Variants in BRD7 observed in about 807,000 individuals in gnomAD.
The protein encoded by BRD7 is bromodomain-containing protein 7.
In BRD7, 15 loss-of-function variants were observed where a neutral mutation model predicts 82.1. That is an observed-to-expected ratio of 0.18 (90% CI 0.12 to 0.28). The LOEUF is 0.28. BRD7 is among the 10% of genes least tolerant of loss of function. The pLI, the probability that BRD7 is intolerant of heterozygous loss-of-function variation, is 1.00. For synonymous variants in BRD7, 232 were observed against 266.9 expected (o/e 0.87, Z 1.27); for missense variants, 638 against 779.9 (o/e 0.82, Z 2.17).
intron 5 of BRD7, among the ~76,000 whole-genome samples, chr16:50,343,770 G>C (rs920758531): frequency 1.3e-5 from 2 of 152,226 alleles, no homozygotes; most frequent in Non-Finnish European, 2.9e-5. Context: ...GCCCACCACT[G>C]CTGAGGCTTG....
At chr16:50,322,879 G>A (rs1255038441) in intron 12 of BRD7, among the ~76,000 whole-genome samples, 1 of 152,044 alleles carries the variant, frequency 6.6e-6, no homozygotes, top group Non-Finnish European at 1.5e-5. Context: ...GTCATCGTTG[G>A]GCCTGACCGA....
intron 5 of BRD7, among the ~76,000 whole-genome samples, chr16:50,343,236 A>G (rs1234171421): frequency 3.9e-5 from 6 of 152,148 alleles, no homozygotes; most frequent in Non-Finnish European, 8.8e-5. Flanking sequence ...TGGGGGAAGG[A>G]CCTGGTGGGA....
intron 2 of BRD7, among the ~76,000 whole-genome samples, chr16:50,366,860 T>C (rs537868813): frequency 1.5e-4 from 23 of 152,154 alleles, no homozygotes; most frequent in Non-Finnish European, 2.5e-4. Context: ...ATGTGAAGGA[T>C]TGGGGTGAGG....
At chr16:50,359,048 G>A (rs1385530921) in intron 2 of BRD7, among the ~76,000 whole-genome samples, 1 of 152,166 alleles carries the variant, frequency 6.6e-6, no homozygotes, top group Admixed American at 6.5e-5. Context: ...TTCAGAGTAT[G>A]TTGCAGAATC....
At chr16:50,337,159 T>C (rs1208724990) in intron 6 of BRD7, among the ~76,000 whole-genome samples, 1 of 152,072 alleles carries the variant, frequency 6.6e-6, no homozygotes, top group African/African-American at 2.4e-5. Flanking sequence ...ATGCTACAAA[T>C]AGTATTGTTT....
In BRD7 at chr16:50,349,737, T is replaced by A. The variant is rs891028280; in HGVS notation, c.591+286A>T. On this transcript the variant is annotated intron_variant, in intron 5 of 16. Coordinates refer to ENST00000394688, the MANE Select transcript of BRD7 (RefSeq NM_013263.5). ...TCGTTTTACTTGTATTGATCTAAGC[T>A]AAAAATTTCACTCTAAGGTTGGAAA... 15 of 397,060 alleles carry A rather than the reference T, an allele frequency of 3.8e-5. No individual in the cohort carries two copies. In the Admixed American group the frequency reaches 5.3e-4, roughly 14 times the overall value. The allele number at this position is 397,060 out of a possible 1,614,324, so 24.6% of individuals were successfully genotyped here. A position where few individuals can be genotyped will look rare whatever the true frequency, so the allele number is the denominator to read the frequency against.
At chr16:50,326,226 T>G in intron 10 of BRD7, 58 bp downstream of exon 10, 7 of 1,421,746 alleles carry the variant, frequency 4.9e-6, no homozygotes, top group Non-Finnish European at 5.9e-6. Flanking sequence ...TCGTGCTTCC[T>G]TTCCCTAATA....
intron 4 of BRD7, among the ~76,000 whole-genome samples, chr16:50,353,594 T>C (rs934568302): frequency 6.6e-6 from 1 of 151,692 alleles, no homozygotes; most frequent in African/African-American, 2.4e-5. Context: ...ATTTTATTTA[T>C]TTATTTATTT....
chr16:50,337,242 A>C (rs2037840333), intron 6 of BRD7, among the ~76,000 whole-genome samples: 1 of 147,116 alleles, frequency 6.8e-6, no homozygotes, highest in African/African-American at 2.5e-5. Context: ...GTTACTCTTC[A>C]TCTGTTCATT....
At chr16:50,338,917 T>G (rs569775804) in intron 6 of BRD7, among the ~76,000 whole-genome samples, 1 of 152,348 alleles carries the variant, frequency 6.6e-6, no homozygotes, top group South Asian at 2.1e-4. Context: ...TACATAGGTT[T>G]CTCCCACTCA....
At chr16:50,361,895 C>T (rs1597098859) in intron 2 of BRD7, 1 of 152,204 alleles carries the variant, frequency 6.6e-6, no homozygotes, top group South Asian at 2.1e-4. Context: ...CTCCACGTCT[C>T]TACGCAGTGG....
chr16:50,353,596 T>A (rs1242523131), intron 4 of BRD7, among the ~76,000 whole-genome samples: 1 of 151,758 alleles, frequency 6.6e-6, no homozygotes, highest in African/African-American at 2.4e-5. Context: ...TTTATTTATT[T>A]ATTTATTTAT....
At chr16:50,363,678 C>T (rs1020791190) in intron 2 of BRD7, among the ~76,000 whole-genome samples, 32 of 64,558 alleles carry the variant, frequency 5.0e-4, no homozygotes, top group African/African-American at 6.8e-4. Flanking sequence ...CGCGCGTGCG[C>T]GTGTGCTTCC....
chr16:50,349,714 G>A (rs892808705), intron 5 of BRD7: 17 of 433,126 alleles, frequency 3.9e-5, no homozygotes, highest in Admixed American at 2.0e-4. Context: ...TAAAATATTC[G>A]TTTTACTTGT....
At chr16:50,353,067 A>C (rs1485640606) in intron 4 of BRD7, among the ~76,000 whole-genome samples, 1 of 111,224 alleles carries the variant, frequency 9.0e-6, no homozygotes, top group Non-Finnish European at 1.9e-5. Flanking sequence ...GAGATCAGTA[A>C]GTTCTTTTTT....
At chr16:50,325,520 A>G (rs1404356931) in intron 11 of BRD7, among the ~76,000 whole-genome samples, 1 of 152,180 alleles carries the variant, frequency 6.6e-6, no homozygotes, top group African/African-American at 2.4e-5. Flanking sequence ...CTTTAAAAAT[A>G]TATTTTTTAA....
rs2036811278 is a variant in BRD7, at chr16:50,316,596, G to C, written c.*2615C>G. On this transcript the variant is annotated 3_prime_UTR_variant, in exon 17 of 17. Transcript: ENST00000394688. ...CTACTCCGCATGGGTGCATGCAGAG[G>C]CTCCTGGATCTGGGAAGCCCGCCCC... The C allele has an allele frequency of 6.6e-6, 1 of 152,306 alleles. No homozygotes were observed. The highest frequency in any genetic ancestry group is 2.1e-4 in the South Asian group (1 of 4,822). The allele number at this position is 152,306 out of a possible 1,614,324, so 9.4% of individuals were successfully genotyped here. A position where few individuals can be genotyped will look rare whatever the true frequency, so the allele number is the denominator to read the frequency against.
At chr16:50,337,604 GTTAT>G (rs925818691) in intron 6 of BRD7, among the ~76,000 whole-genome samples, 2 of 152,028 alleles carry the variant, frequency 1.3e-5, no homozygotes, top group African/African-American at 4.8e-5. Flanking sequence ...ACTAATAGTT[GTTAT>G]TTGAGTGTAA....
intron 2 of BRD7, 92 bp downstream of exon 2, chr16:50,367,998 T>G: frequency 7.6e-7 from 1 of 1,312,520 alleles, no homozygotes; most frequent in Non-Finnish European, 1.1e-6. Context: ...TAGAGGCGTT[T>G]GTTTTCCCCA....
Sources: gnomAD v4.1 joint callset for allele counts (sites outside exome capture counted in the v4.1 genomes callset) on GRCh38, gnomAD v4.1.1 for gene constraint, MANE v1.5 for transcripts, NCBI Gene and HGNC (gene_info 2026-07-23, HGNC 2026-07-21) for gene names.